Variants in MAN1A1 observed in about 807,000 individuals in gnomAD.
The protein encoded by MAN1A1 is mannosidase alpha class 1A member 1.
Under a neutral mutation model 70.8 loss-of-function variants are expected in MAN1A1, and 29 were observed. That is an observed-to-expected ratio of 0.41 (90% CI 0.31 to 0.56). MAN1A1 has a LOEUF of 0.56. Ranked by LOEUF, MAN1A1 falls within the 20% of genes least tolerant of loss-of-function variation. The probability of loss-of-function intolerance (pLI) is 0.29; values close to 1 mark genes in which losing one functional copy is unlikely to be tolerated. For missense variants in MAN1A1, 747 were observed against 841.3 expected (o/e 0.89, Z 1.39); for synonymous variants, 349 against 330.1 (o/e 1.06, Z -0.62).
In MAN1A1 at chr6:119,179,737, A is replaced by T. The variant is rs1773096902; in HGVS notation, c.*82T>A. On this transcript the variant is annotated 3_prime_UTR_variant, in exon 13 of 13. Transcript: ENST00000368468. Reference sequence around the variant, plus strand: ...ATCACAGACCTACTAATCAAAGTTCATCATGTGCCTGATTACCAGAAAAGG... The same window carrying T: ...ATCACAGACCTACTAATCAAAGTTCTTCATGTGCCTGATTACCAGAAAAGG... 1 of 1,325,604 alleles carries T rather than the reference A, an allele frequency of 7.5e-7. No individual in the cohort carries two copies. Among genetic ancestry groups the T allele is most frequent in the Non-Finnish European group, 1.1e-6 (1 of 946,230 alleles). 82.1% of individuals were successfully genotyped at this position (1,325,604 alleles called of 1,614,324 possible).
chr6:119,282,475 C>T (rs1272339080), intron 5 of MAN1A1, among the ~76,000 whole-genome samples: 1 of 152,018 alleles, frequency 6.6e-6, no homozygotes, highest in East Asian at 1.9e-4. Flanking sequence ...TTTTAAAGTA[C>T]AAATTAAATT....
intron 4 of MAN1A1, among the ~76,000 whole-genome samples, chr6:119,301,034 C>T (rs1024914300): frequency 2.0e-5 from 3 of 152,310 alleles, no homozygotes; most frequent in East Asian, 1.9e-4. Context: ...TGCCACAAAG[C>T]AGAGGCAACA....
Position 119,349,753 on chromosome 6 carries a change from G to A in MAN1A1, c.-434C>T. ...GCACGGTACACTCCGCCGCGGCCCC[G>A]CGAGCACTAATCTCACTGCCGGTCT... On this transcript the variant is annotated 5_prime_UTR_variant, in exon 1 of 13. Coordinates refer to ENST00000368468, the MANE Select transcript of MAN1A1 (RefSeq NM_005907.4). 1.0e-6 allele frequency: 1 copy of A among 985,508 alleles called. No homozygotes were observed. The highest frequency in any genetic ancestry group is 1.2e-6 in the Non-Finnish European group (1 of 829,952). The allele number at this position is 985,508 out of a possible 1,614,324, so 61.0% of individuals were successfully genotyped here. A position where few individuals can be genotyped will look rare whatever the true frequency, so the allele number is the denominator to read the frequency against.
At chr6:119,291,225 CTCTT>C (rs1386215000) in intron 4 of MAN1A1, among the ~76,000 whole-genome samples, 2 of 151,998 alleles carry the variant, frequency 1.3e-5, no homozygotes, top group Non-Finnish European at 2.9e-5. Flanking sequence ...CCTGCACAAG[CTCTT>C]TCTCTCTTTG....
At chr6:119,246,390 C>T (rs1167652351) in intron 6 of MAN1A1, among the ~76,000 whole-genome samples, 1 of 152,056 alleles carries the variant, frequency 6.6e-6, no homozygotes, top group Non-Finnish European at 1.5e-5. Context: ...TCCATGTAGT[C>T]AGGAATATGC....
intron 6 of MAN1A1, among the ~76,000 whole-genome samples, chr6:119,235,225 A>C (rs1301580394): frequency 6.6e-6 from 1 of 152,232 alleles, no homozygotes; most frequent in Non-Finnish European, 1.5e-5. Context: ...TTAAATCAAA[A>C]GCCTAGAAAT....
At position 119,186,177 on chromosome 6, in the gene MAN1A1, G is replaced by T. The variant is rs77920493; in HGVS notation, c.1719+2228C>A. ...CACCTTCAATATTACCAATTGGAAT[G>T]AGTTACTTTATTAGGTGATACATTC... On this transcript the variant is annotated intron_variant, in intron 11 of 12. Transcript: ENST00000368468. Among the ~76,000 whole-genome samples the T allele has an allele frequency of 7.7e-3, 1,173 of 152,254 alleles. 8 individuals are homozygous for T. The highest frequency in any genetic ancestry group is 0.014 in the Non-Finnish European group (945 of 68,024).
chr6:119,303,838 C>T (rs1421104240), intron 3 of MAN1A1, among the ~76,000 whole-genome samples: 1 of 152,174 alleles, frequency 6.6e-6, no homozygotes, highest in African/African-American at 2.4e-5. Flanking sequence ...AGTCCAAGTC[C>T]CATTTTTAAG....
rs373754771 is a variant in MAN1A1, at chr6:119,204,782, C to T, written c.1093G>A (p.Gly365Arg). 20 of 1,613,836 alleles carry T rather than the reference C, an allele frequency of 1.2e-5. No individual in the cohort carries two copies. Among genetic ancestry groups the T allele is most frequent in the African/African-American group, 1.2e-4 (9 of 74,900 alleles). ...LEFMHLSHLS[G>R]NPIFAEKVMN... ...ACCTTTTCAGCAAAGATGGGGTTTC[C>T]TGATAAGTGGCTCAAGTGCATAAAC... The change falls in exon 7 of 13, where the codon GGA becomes AGA. Residue 365 changes from glycine (G) to arginine (R), a missense_variant. This residue lies in a region of MAN1A1 where 419 missense variants were observed against 548.2 expected (regional missense o/e 0.76). Coordinates refer to ENST00000368468, the MANE Select transcript of MAN1A1 (RefSeq NM_005907.4).
intron 4 of MAN1A1, among the ~76,000 whole-genome samples, chr6:119,295,695 G>A (rs1363826170): frequency 1.3e-5 from 2 of 152,062 alleles, no homozygotes; most frequent in East Asian, 1.9e-4. Flanking sequence ...ACAATTCTCC[G>A]ATCTCTACAA....
chr6:119,348,831 C>A lies in MAN1A1; in HGVS notation c.235G>T (p.Ala79Ser), dbSNP rs774702832. The change falls in exon 2 of 13, where the codon GCC becomes TCC. Residue 79 changes from alanine (A) to serine (S), a missense_variant. This residue lies in a region of MAN1A1 where 328 missense variants were observed against 293.1 expected (regional missense o/e 1.12). Transcript: ENST00000368468. The stretch of plus-strand genomic sequence containing the variant: ...TTGTGGTCGGCGGCCGGCTGCAAGG[C>A]GGGGCTGGAGTGGAACAGGACCCCG... ...LSGVLFHSSP[A>S]LQPAADHKPG... 4.1e-6 allele frequency: 6 copies of A among 1,477,654 alleles called. No homozygotes were observed. The highest frequency in any genetic ancestry group is 5.4e-6 in the Non-Finnish European group (6 of 1,111,784). 91.5% of individuals were successfully genotyped at this position (1,477,654 alleles called of 1,614,324 possible).
intron 8 of MAN1A1, among the ~76,000 whole-genome samples, chr6:119,197,381 T>C (rs1259549420): frequency 6.6e-6 from 1 of 151,418 alleles, no homozygotes; most frequent in Non-Finnish European, 1.5e-5. Flanking sequence ...AAAATTCAAG[T>C]AAGTAAACAC....
At chr6:119,337,529 T>TAGAA (rs1773488521) in intron 2 of MAN1A1, among the ~76,000 whole-genome samples, 1 of 152,206 alleles carries the variant, frequency 6.6e-6, no homozygotes, top group Non-Finnish European at 1.5e-5. Context: ...TCTCCTGCCC[T>TAGAA]CAATATGATA....
At chr6:119,278,792 T>C (rs1776148962) in intron 5 of MAN1A1, among the ~76,000 whole-genome samples, 1 of 152,030 alleles carries the variant, frequency 6.6e-6, no homozygotes, top group Non-Finnish European at 1.5e-5. Context: ...TGAGATCTGG[T>C]TGTTTAGAGT....
intron 3 of MAN1A1, among the ~76,000 whole-genome samples, chr6:119,306,508 C>A (rs1460346315): frequency 6.6e-6 from 1 of 152,168 alleles, no homozygotes; most frequent in African/African-American, 2.4e-5. Flanking sequence ...GGCTGCCTTG[C>A]CCAGATTATC....
chr6:119,332,007 A>T (rs1375898903), intron 2 of MAN1A1: 9 of 497,126 alleles, frequency 1.8e-5, no homozygotes, highest in South Asian at 1.3e-4. Context: ...TCAATTTCCT[A>T]TGTATAAAAT....
intron 2 of MAN1A1, among the ~76,000 whole-genome samples, chr6:119,328,792 C>T: frequency 6.6e-6 from 1 of 152,140 alleles, no homozygotes. Flanking sequence ...GAAACGGTTA[C>T]CATCTCAGGG....
At chr6:119,251,706 C>T (rs1390904718) in intron 5 of MAN1A1, among the ~76,000 whole-genome samples, 1 of 152,136 alleles carries the variant, frequency 6.6e-6, no homozygotes, top group African/African-American at 2.4e-5. Context: ...AGAAAAAGAC[C>T]CCAATTTCTC....
At chr6:119,291,147 T>C (rs1344587431) in intron 4 of MAN1A1, among the ~76,000 whole-genome samples, 2 of 152,010 alleles carry the variant, frequency 1.3e-5, no homozygotes, top group East Asian at 3.9e-4. Context: ...GGGAGGGGTC[T>C]TTCCTGTGCT....
Sources: allele counts gnomAD v4.1 joint callset (sites outside exome capture counted in the v4.1 genomes callset), GRCh38; gene constraint gnomAD v4.1.1; regional missense constraint gnomAD v4.1.1; transcripts MANE v1.5; gene names NCBI Gene and HGNC (gene_info 2026-07-23, HGNC 2026-07-21).